Variants in BTBD9 observed in about 807,000 individuals in gnomAD.
BTBD9 encodes BTB domain containing 9.
A neutral mutation model predicts 64.3 loss-of-function variants in BTBD9; 49 were observed. That is an observed-to-expected ratio of 0.76 (90% CI 0.61 to 0.97). The LOEUF (loss-of-function observed/expected upper bound fraction) is 0.97. Ranked by LOEUF, BTBD9 falls within the 50% of genes least tolerant of loss-of-function variation. The probability of loss-of-function intolerance (pLI) is 0.00; values close to 1 mark genes in which losing one functional copy is unlikely to be tolerated. For synonymous variants in BTBD9, 260 were observed against 274.7 expected (o/e 0.95, Z 0.53); for missense variants, 598 against 762.1 (o/e 0.78, Z 2.53).
intron 6 of BTBD9, among the ~76,000 whole-genome samples, chr6:38,537,756 C>T (rs1412721259): frequency 6.6e-6 from 1 of 152,194 alleles, no homozygotes; most frequent in Non-Finnish European, 1.5e-5. Context: ...GGCTACCGAA[C>T]TTAAGACTAC....
At chr6:38,496,537 C>T (rs1771965248) in intron 6 of BTBD9, among the ~76,000 whole-genome samples, 1 of 151,492 alleles carries the variant, frequency 6.6e-6, no homozygotes, top group Non-Finnish European at 1.5e-5. Flanking sequence ...TAGTCCCAAC[C>T]ACTCAGGAGG....
intron 6 of BTBD9, among the ~76,000 whole-genome samples, chr6:38,466,465 A>AT (rs1562226136): frequency 2.0e-5 from 3 of 151,306 alleles, no homozygotes; most frequent in Non-Finnish European, 4.4e-5. Context: ...CTAATTTTGC[A>AT]TTTTTTTAGT....
chr6:38,518,389 T>C (rs1773135000), intron 6 of BTBD9, among the ~76,000 whole-genome samples: 1 of 152,240 alleles, frequency 6.6e-6, no homozygotes, highest in African/African-American at 2.4e-5. Flanking sequence ...CAATGACTGA[T>C]ATGCGAGTGA....
chr6:38,357,737 C>A (rs1224254632), intron 6 of BTBD9, among the ~76,000 whole-genome samples: 5 of 152,112 alleles, frequency 3.3e-5, no homozygotes, highest in Non-Finnish European at 7.3e-5. Context: ...ATAACCATTT[C>A]TCTTCATTTC....
chr6:38,187,816 A>T (rs922149986), intron 10 of BTBD9, among the ~76,000 whole-genome samples: 1 of 152,224 alleles, frequency 6.6e-6, no homozygotes, highest in Non-Finnish European at 1.5e-5. Context: ...TGCGGTGCTC[A>T]CAAAGGAAGA....
chr6:38,336,751 G>C (rs1763910910), intron 7 of BTBD9, among the ~76,000 whole-genome samples: 1 of 152,134 alleles, frequency 6.6e-6, no homozygotes, highest in South Asian at 2.1e-4. Flanking sequence ...AGTGCCCCCT[G>C]TTCAGTGTTC....
intron 6 of BTBD9, among the ~76,000 whole-genome samples, chr6:38,459,044 A>G (rs1480216434): frequency 6.6e-6 from 1 of 152,126 alleles, no homozygotes; most frequent in Non-Finnish European, 1.5e-5. Context: ...TTGGAGACAG[A>G]GTCTCACTCT....
intron 6 of BTBD9, chr6:38,571,692 C>G (rs1214189917): frequency 6.6e-6 from 1 of 152,258 alleles, no homozygotes; most frequent in Admixed American, 6.5e-5. Flanking sequence ...GGCATGGTGT[C>G]TCACACCTGT....
chr6:38,602,946 T>A (rs1777308472), intron 1 of BTBD9, among the ~76,000 whole-genome samples: 1 of 152,100 alleles, frequency 6.6e-6, no homozygotes, highest in Admixed American at 6.5e-5. Context: ...ATATCCCAAC[T>A]AAAGATCTTC....
At chr6:38,580,494 T>G in intron 4 of BTBD9, 57 bp from the exon 5 acceptor site, 1 of 1,433,058 alleles carries the variant, frequency 7.0e-7, no homozygotes, top group Non-Finnish European at 9.7e-7. Context: ...TCTGTATTTT[T>G]TGAAAAAAAT....
At chr6:38,459,993 T>A (rs1051999073) in intron 6 of BTBD9, among the ~76,000 whole-genome samples, 1 of 152,214 alleles carries the variant, frequency 6.6e-6, no homozygotes, top group Non-Finnish European at 1.5e-5. Flanking sequence ...TTTTAGAAGA[T>A]CATCTCAAGC....
intron 6 of BTBD9, among the ~76,000 whole-genome samples, chr6:38,506,395 T>C (rs184822263): frequency 6.6e-6 from 1 of 152,240 alleles, no homozygotes; most frequent in Non-Finnish European, 1.5e-5. Context: ...GCTCATATAA[T>C]TTACTGAATA....
chr6:38,381,124 A>T (rs994988832), intron 6 of BTBD9, among the ~76,000 whole-genome samples: 9 of 152,310 alleles, frequency 5.9e-5, no homozygotes, highest in Middle Eastern at 3.4e-3. Flanking sequence ...GGAGAAATAG[A>T]TCAAATGTAT....
rs192158194 is a variant in BTBD9, at chr6:38,372,300, G to A, written c.1155-27207C>T. On this transcript the variant is annotated intron_variant, in intron 6 of 10. Coordinates refer to ENST00000481247, the MANE Select transcript of BTBD9 (RefSeq NM_001099272.2). ...TGCTAGTTTATTCTCTTGCCATGTG[G>A]AGTCACATTCATTATTAAAAGATGT... Among the ~76,000 whole-genome samples the A allele has an allele frequency of 1.9e-3, 286 of 152,272 alleles. 2 individuals carry two copies. Among genetic ancestry groups the A allele is most frequent in the Non-Finnish European group, 3.1e-3 (214 of 68,016 alleles).
chr6:38,636,248 CCA>C (rs1778521651), intron 1 of BTBD9, among the ~76,000 whole-genome samples: 3 of 152,218 alleles, frequency 2.0e-5, no homozygotes, highest in Non-Finnish European at 4.4e-5. Context: ...CTTCCTAACT[CCA>C]AAGTCCACTA....
chr6:38,189,727 G>A (rs533221515), intron 10 of BTBD9, among the ~76,000 whole-genome samples: 11 of 152,026 alleles, frequency 7.2e-5, no homozygotes, highest in African/African-American at 2.7e-4. Context: ...AGGCTGGAGT[G>A]CAGTGGCACA....
At chr6:38,500,074 T>C (rs1772126807) in intron 6 of BTBD9, among the ~76,000 whole-genome samples, 1 of 152,098 alleles carries the variant, frequency 6.6e-6, no homozygotes, top group South Asian at 2.1e-4. Context: ...ACACACACCA[T>C]GCATACTTTC....
intron 9 of BTBD9, among the ~76,000 whole-genome samples, chr6:38,216,787 C>G (rs1386370117): frequency 6.6e-6 from 1 of 152,276 alleles, no homozygotes; most frequent in East Asian, 1.9e-4. Context: ...GGCTTCCCAT[C>G]GGTGGGGGAG....
In BTBD9 at chr6:38,184,256, C is replaced by T. The variant is rs1761715102; in HGVS notation, c.1641+8263G>A. On this transcript the variant is annotated intron_variant, in intron 10 of 10. Transcript: ENST00000481247. This position sits in a 1 kb window ranked among gnomAD's most constrained non-coding sequence, Gnocchi z 4.4. ...TGGTACAATGCAGATTCACAGGTACCAGGCTGCCCGCTGGGCTTGACTATC... is the reference window on the plus strand; with the variant it reads ...TGGTACAATGCAGATTCACAGGTACTAGGCTGCCCGCTGGGCTTGACTATC... 6.6e-6 allele frequency among the ~76,000 whole-genome samples: 1 copy of T among 152,212 alleles called. No homozygotes were observed. Among genetic ancestry groups the T allele is most frequent in the African/African-American group, 2.4e-5 (1 of 41,456 alleles).
Sources: allele counts gnomAD v4.1 joint callset (sites outside exome capture counted in the v4.1 genomes callset), GRCh38; gene constraint gnomAD v4.1.1; non-coding constraint Gnocchi (gnomAD v3.1); transcripts MANE v1.5; gene names NCBI Gene and HGNC (gene_info 2026-07-23, HGNC 2026-07-21).